Variants in SPATA31C1 observed in about 807,000 individuals in gnomAD.
SPATA31C1 encodes spermatogenesis-associated protein 31C1.
At chr9:87,920,818 T>C in exon 5 of SPATA31C1, 3 of 1,613,860 alleles carry the variant, frequency 1.9e-6, no homozygotes, top group East Asian at 4.5e-5. Context: ...ACCTGGTGCA[T>C]CTTCAACTCG....
rs1273381984 is a variant in SPATA31C1, at chr9:87,918,929, C to T, written n.523-362C>T. 9 of 358,844 alleles carry T rather than the reference C, an allele frequency of 2.5e-5. No individual in the cohort carries two copies. In the East Asian group the frequency reaches 4.4e-4, roughly 18 times the overall value. 22.2% of individuals were successfully genotyped at this position (358,844 alleles called of 1,614,324 possible). ...TGGGGATTACAGGCGCCCGCCACCA[C>T]GCCTGGCTAATTTTCGTATTTTTAG... On this transcript the variant is annotated intron_variant and non_coding_transcript_variant, in intron 2 of 4. Coordinates refer to ENST00000420021, the Ensembl canonical transcript of SPATA31C1.
chr9:87,919,198 G>T lies in SPATA31C1; in HGVS notation n.523-93G>T, dbSNP rs193124497. The T allele has an allele frequency of 1.1e-5, 18 of 1,596,126 alleles. No homozygotes were observed. In the East Asian group the frequency reaches 2.3e-4, roughly 21 times the overall value. ...GCGGTTCATGAGTGCAGCGTGCTGCGGCTGGGGGCAGAGAGGGAGAGCCGG... is the reference window on the plus strand; with the variant it reads ...GCGGTTCATGAGTGCAGCGTGCTGCTGCTGGGGGCAGAGAGGGAGAGCCGG... On this transcript the variant is annotated intron_variant and non_coding_transcript_variant, in intron 2 of 4. Coordinates refer to ENST00000420021, the Ensembl canonical transcript of SPATA31C1.
At chr9:87,915,476 G>A (rs1159732789) in intron 1 of SPATA31C1, among the ~76,000 whole-genome samples, 7 of 145,180 alleles carry the variant, frequency 4.8e-5, no homozygotes, top group East Asian at 2.1e-4. Context: ...GCTAATTTTC[G>A]TATTTTTAGT....
chr9:87,921,075 A>G (rs1469468824), exon 5 of SPATA31C1: 3 of 1,611,510 alleles, frequency 1.9e-6, no homozygotes, highest in Non-Finnish European at 2.5e-6. Context: ...TGCGTCGCAG[A>G]ATAAAGTGCA....
chr9:87,915,373 G>A (rs759365450), intron 1 of SPATA31C1, among the ~76,000 whole-genome samples: 8 of 144,312 alleles, frequency 5.5e-5, no homozygotes, highest in Non-Finnish European at 1.2e-4. Context: ...AGCGATACCG[G>A]CTCAGTGCCA....
exon 5 of SPATA31C1, chr9:87,921,616 T>G: frequency 6.2e-7 from 1 of 1,612,004 alleles, no homozygotes; most frequent in Non-Finnish European, 8.5e-7. Context: ...AGTGATTTAT[T>G]AAGACGCACA....
At chr9:87,921,515 G>C (rs1027984346) in exon 5 of SPATA31C1, 2 of 1,611,840 alleles carry the variant, frequency 1.2e-6, no homozygotes, top group Admixed American at 3.3e-5. Context: ...ATCTATCCAG[G>C]GGCATGGAAA....
rs535482630 is a variant in SPATA31C1 at position 87,921,211 on chromosome 9, A to C, written n.1601A>C. 3 of 1,611,738 alleles carry C rather than the reference A, an allele frequency of 1.9e-6. No individual in the cohort carries two copies. The African/African-American group carries it at 4.0e-5, about 22-fold the overall frequency. On this transcript the variant is annotated non_coding_transcript_exon_variant, in exon 5 of 5. Coordinates refer to ENST00000420021, the Ensembl canonical transcript of SPATA31C1. ...GACGTCTTTAGTGTCTCCACTCCTA[A>C]CCTTCCCCAGGAAAGACTGACATCC...
chr9:87,921,892 AAC>A (rs765981467), exon 5 of SPATA31C1: 1 of 1,611,904 alleles, frequency 6.2e-7, no homozygotes, highest in African/African-American at 1.3e-5. Flanking sequence ...TTTTGGGCCA[AAC>A]ACAGGTGGGG....
exon 5 of SPATA31C1, chr9:87,921,632 G>A (rs1828871458): frequency 1.9e-6 from 3 of 1,612,024 alleles, no homozygotes; most frequent in Non-Finnish European, 2.5e-6. Context: ...GCACAGAGAG[G>A]AATCATATAG....
chr9:87,919,335 C>A (rs1564138571), exon 3 of SPATA31C1: 1 of 1,602,240 alleles, frequency 6.2e-7, no homozygotes, highest in Non-Finnish European at 8.5e-7. Context: ...GGATGAAAAA[C>A]CACAGTCTGA....
chr9:87,919,236 G>A lies in SPATA31C1; in HGVS notation n.523-55G>A, dbSNP rs776951638. 2.9e-5 allele frequency: 47 copies of A among 1,601,620 alleles called. No homozygotes were observed. In the African/African-American group the frequency reaches 3.5e-4, roughly 12 times the overall value. ...GAGGGAGAGCCGGTCCTAGCTCCTC[G>A]CCATTTCTTGTCTCCCAGCGTCATC... On this transcript the variant is annotated intron_variant and non_coding_transcript_variant, in intron 2 of 4. Transcript: ENST00000420021.
exon 5 of SPATA31C1, chr9:87,923,234 C>G (rs595689): frequency 1.2e-6 from 2 of 1,603,110 alleles, no homozygotes; most frequent in Admixed American, 1.7e-5. Context: ...TCTACTCAGA[C>G]CACAGCAGAA....
chr9:87,915,521 A>C (rs1335694666), intron 1 of SPATA31C1, among the ~76,000 whole-genome samples: 1 of 145,094 alleles, frequency 6.9e-6, no homozygotes, highest in African/African-American at 2.5e-5. Flanking sequence ...GGCTGGTCTC[A>C]AACTCTTGAC....
chr9:87,920,566 C>G, exon 5 of SPATA31C1: 1 of 1,613,768 alleles, frequency 6.2e-7, no homozygotes, highest in Non-Finnish European at 8.5e-7. Context: ...CCTCACCCAC[C>G]ACACACCCCT....
exon 5 of SPATA31C1, chr9:87,920,366 T>C (rs1828818829): frequency 6.2e-7 from 1 of 1,613,842 alleles, no homozygotes; most frequent in African/African-American, 1.3e-5. Flanking sequence ...CTCATGAGCC[T>C]ATGGAAGATG....
At chr9:87,920,293 T>C (rs2117989580) in exon 5 of SPATA31C1, 1 of 1,613,894 alleles carries the variant, frequency 6.2e-7, no homozygotes, top group South Asian at 1.1e-5. Flanking sequence ...TTTGGTCAGC[T>C]CTCTGGTCCA....
exon 5 of SPATA31C1, chr9:87,920,840 A>G (rs1828838696): frequency 6.2e-7 from 1 of 1,613,586 alleles, no homozygotes; most frequent in African/African-American, 1.3e-5. Flanking sequence ...CAGTCCAGCA[A>G]GATCATCTTT....
exon 5 of SPATA31C1, chr9:87,920,434 A>G (rs753902869): frequency 1.2e-6 from 2 of 1,613,772 alleles, no homozygotes; most frequent in African/African-American, 2.7e-5. Context: ...CATCCTCAGG[A>G]TCTGGCCTCC....
Sources: gnomAD v4.1 joint callset for allele counts (sites outside exome capture counted in the v4.1 genomes callset) on GRCh38, gnomAD v4.1.1 for gene constraint, MANE v1.5 for transcripts, NCBI Gene and HGNC (gene_info 2026-07-23, HGNC 2026-07-21) for gene names.